The following SORCS2 variants were observed in gnomAD, a reference collection of about 807,000 sequenced individuals.
The protein encoded by SORCS2 is sortilin related VPS10 domain containing receptor 2.
A neutral mutation model predicts 141.6 loss-of-function variants in SORCS2; 100 were observed. The ratio of observed to expected loss-of-function variants is 0.71; its 90% CI spans 0.60 to 0.83. The LOEUF (loss-of-function observed/expected upper bound fraction) is 0.83. Ranked by LOEUF, SORCS2 falls within the 40% of genes least tolerant of loss-of-function variation. SORCS2 has a pLI of 0.00. For synonymous variants in SORCS2, 789 were observed against 676.9 expected (o/e 1.17, Z -2.57); for missense variants, 1,646 against 1,560.2 (o/e 1.05, Z -0.93).
At chr4:7,260,676 G>T (rs1714258336) in intron 1 of SORCS2, among the ~76,000 whole-genome samples, 1 of 152,180 alleles carries the variant, frequency 6.6e-6, no homozygotes. Context: ...AGAGTTAAGG[G>T]GCAGCTTCAG....
intron 2 of SORCS2, among the ~76,000 whole-genome samples, chr4:7,465,814 G>A (rs11724218): frequency 0.34 from 52,328 of 152,058 alleles, 9,421 homozygotes; most frequent in Middle Eastern, 0.41. Flanking sequence ...CTTATTAGCC[G>A]CTGCTGTTTT....
At chr4:7,377,758 T>A (rs1231321128) in intron 1 of SORCS2, among the ~76,000 whole-genome samples, 2 of 152,318 alleles carry the variant, frequency 1.3e-5, no homozygotes, top group East Asian at 3.9e-4. Flanking sequence ...GGAGCCTGAT[T>A]TGACAGGTCT....
intron 2 of SORCS2, among the ~76,000 whole-genome samples, chr4:7,481,288 A>G (rs1238474308): frequency 1.3e-5 from 2 of 152,254 alleles, no homozygotes; most frequent in Non-Finnish European, 2.9e-5. Context: ...CTCACCACAC[A>G]GGGGTCTTCG....
intron 14 of SORCS2, among the ~76,000 whole-genome samples, chr4:7,708,274 C>A (rs898446352): frequency 3.9e-5 from 6 of 152,316 alleles, no homozygotes; most frequent in Non-Finnish European, 7.3e-5. Context: ...CTGGCTTCCG[C>A]CCACTCCACA....
chr4:7,423,522 C>T (rs1340399344), intron 2 of SORCS2, among the ~76,000 whole-genome samples: 1 of 152,178 alleles, frequency 6.6e-6, no homozygotes, highest in African/African-American at 2.4e-5. Context: ...CCAAGCAGTG[C>T]TCCCATCCCA....
At chr4:7,564,725 G>A (rs1054577496) in intron 3 of SORCS2, among the ~76,000 whole-genome samples, 50 of 152,186 alleles carry the variant, frequency 3.3e-4, no homozygotes, top group Middle Eastern at 3.2e-3. Flanking sequence ...TTGTTTCCAC[G>A]GCAGCCACAG....
chr4:7,330,282 G>A (rs73208483), intron 1 of SORCS2, among the ~76,000 whole-genome samples: 6,103 of 152,018 alleles, frequency 0.04, 249 homozygotes, highest in East Asian at 0.17. Flanking sequence ...CTTTGACCAC[G>A]TGAGGCGACG....
intron 25 of SORCS2, 32 bp from the exon 26 acceptor site, chr4:7,737,037 C>T (rs963695550): frequency 5.8e-6 from 9 of 1,549,712 alleles, no homozygotes; most frequent in Admixed American, 3.9e-5. Context: ...GAAGCCCCTC[C>T]AAGCTGAGCC....
intron 2 of SORCS2, among the ~76,000 whole-genome samples, chr4:7,451,180 A>G (rs146986519): frequency 7.3e-4 from 111 of 152,344 alleles, no homozygotes; most frequent in African/African-American, 2.6e-3. Flanking sequence ...AAGTGAATAA[A>G]TGCGTGAATG....
At chr4:7,322,670 C>A (rs1456104862) in intron 1 of SORCS2, among the ~76,000 whole-genome samples, 2 of 152,226 alleles carry the variant, frequency 1.3e-5, no homozygotes, top group Non-Finnish European at 2.9e-5. Flanking sequence ...AGAGTCTCAG[C>A]CCCTAAGCCG....
intron 1 of SORCS2, among the ~76,000 whole-genome samples, chr4:7,379,134 C>T (rs1722833925): frequency 6.6e-6 from 1 of 152,134 alleles, no homozygotes; most frequent in South Asian, 2.1e-4. Context: ...GCTAAGGATG[C>T]CAGGTTGGAG....
intron 2 of SORCS2, among the ~76,000 whole-genome samples, chr4:7,427,146 C>G (rs1256623825): frequency 1.3e-5 from 2 of 152,066 alleles, no homozygotes; most frequent in Non-Finnish European, 2.9e-5. Context: ...GCAGCCGGAG[C>G]TCCAGGGTAG....
rs149805735 is a variant in SORCS2 at position 7,734,949 on chromosome 4, T to C, written c.3311+575T>C. ...GGTGAGGTGGCAAGAACAGTGTTTGTCTATTGGGAGGGGCTTTCATACCTC... is the reference window on the plus strand; with the variant it reads ...GGTGAGGTGGCAAGAACAGTGTTTGCCTATTGGGAGGGGCTTTCATACCTC... On this transcript the variant is annotated intron_variant, in intron 25 of 26. Transcript: ENST00000507866. Among the ~76,000 whole-genome samples the C allele has an allele frequency of 2.3e-4, 35 of 152,276 alleles. No individual in the cohort carries two copies. In the East Asian group the frequency reaches 6.6e-3, roughly 29 times the overall value.
At chr4:7,504,782 G>T (rs547126542) in intron 2 of SORCS2, among the ~76,000 whole-genome samples, 40 of 152,324 alleles carry the variant, frequency 2.6e-4, no homozygotes, top group African/African-American at 9.4e-4. Context: ...GACATACCCA[G>T]TCCTGCCTGA....
intron 2 of SORCS2, among the ~76,000 whole-genome samples, chr4:7,440,850 G>C (rs148990383): frequency 1.3e-5 from 2 of 152,326 alleles, no homozygotes; most frequent in Non-Finnish European, 2.9e-5. Context: ...TCCAAGCCCT[G>C]CTGGGAGCTG....
chr4:7,341,429 G>A (rs1305647314), intron 1 of SORCS2, among the ~76,000 whole-genome samples: 3 of 152,208 alleles, frequency 2.0e-5, no homozygotes, highest in Non-Finnish European at 2.9e-5. Context: ...TCCTCGTCTT[G>A]TGTTGGCTGT....
intron 2 of SORCS2, among the ~76,000 whole-genome samples, chr4:7,463,005 C>T: frequency 6.6e-6 from 1 of 152,014 alleles, no homozygotes; most frequent in Non-Finnish European, 1.5e-5. Context: ...CCTCCCTGGT[C>T]TCTGCCACCG....
rs1713093275 is a variant in SORCS2, at chr4:7,544,520, C to A, written c.648+12891C>A. 1.3e-5 allele frequency among the ~76,000 whole-genome samples: 2 copies of A among 152,218 alleles called. 1 individual carries two copies. The highest frequency in any genetic ancestry group is 1.3e-4 in the Admixed American group (2 of 15,282). On this transcript the variant is annotated intron_variant, in intron 3 of 26. Coordinates refer to ENST00000507866, the MANE Select transcript of SORCS2 (RefSeq NM_020777.3). ...CATCCAACAGGCTCAGGGCGGCCAG[C>A]AGGAAGAAGAGCTATATGTGCCCCC...
chr4:7,479,974 G>T (rs1198070004), intron 2 of SORCS2, among the ~76,000 whole-genome samples: 8 of 152,242 alleles, frequency 5.3e-5, no homozygotes, highest in Admixed American at 5.2e-4. Context: ...GTGACACCTG[G>T]TAGTGAATGC....
Sources: gnomAD v4.1 joint callset for allele counts (sites outside exome capture counted in the v4.1 genomes callset) on GRCh38, gnomAD v4.1.1 for gene constraint, MANE v1.5 for transcripts, NCBI Gene and HGNC (gene_info 2026-07-23, HGNC 2026-07-21) for gene names.